DAB1: variants seen among roughly 807,000 people sequenced by gnomAD.
DAB1 encodes the protein disabled homolog 1.
A neutral mutation model predicts 64.6 loss-of-function variants in DAB1; 15 were observed. That is an observed-to-expected ratio of 0.23 (90% CI 0.16 to 0.36). The LOEUF (loss-of-function observed/expected upper bound fraction) is 0.36, where lower values mean the gene tolerates loss of function less well. DAB1 is among the 10% of genes least tolerant of loss of function. The probability of loss-of-function intolerance (pLI) is 1.00; values close to 1 mark genes in which losing one functional copy is unlikely to be tolerated. For missense variants in DAB1, 596 were observed against 706.7 expected, an observed-to-expected ratio of 0.84 and a Z score of 1.78; for synonymous variants, 235 against 251.9, an observed-to-expected ratio of 0.93 and a Z score of 0.64.
chr1:57,033,485 A>C (rs1294276841), intron 9 of DAB1: 7 of 1,612,642 alleles, frequency 4.3e-6, no homozygotes, highest in Non-Finnish European at 5.1e-6. Context: ...TGAGAAAATG[A>C]CATGAAACAG....
intron 7 of DAB1, among the ~76,000 whole-genome samples, chr1:57,545,739 C>G (rs1418232139): frequency 6.6e-6 from 1 of 152,162 alleles, no homozygotes; most frequent in Non-Finnish European, 1.5e-5. Context: ...TTAATACCTT[C>G]GTTTTACTAA....
At position 57,698,378 on chromosome 1, in the gene DAB1, G is replaced by A. The variant is rs146115546; in HGVS notation, n.552-48713C>T. Among the ~76,000 whole-genome samples the A allele has an allele frequency of 8.3e-3, 1,268 of 152,014 alleles. 20 individuals carry two copies. The highest frequency in any genetic ancestry group is 0.028 in the African/African-American group (1,150 of 41,434). Reference sequence around the variant, plus strand: ...CTCCCAAAGCACTAGGATTACAGGCGTGAGCCACAGTGCCTGTCCTTCTCT... The same window carrying A: ...CTCCCAAAGCACTAGGATTACAGGCATGAGCCACAGTGCCTGTCCTTCTCT... On this transcript the variant is annotated intron_variant and non_coding_transcript_variant, in intron 6 of 20. Transcript: ENST00000485760.
intron 1 of DAB1, among the ~76,000 whole-genome samples, chr1:58,529,674 A>C (rs61781816): frequency 6.6e-6 from 1 of 152,282 alleles, no homozygotes; most frequent in Non-Finnish European, 1.5e-5. Context: ...TTGGCTCTCT[A>C]TATCTGTGGA....
intron 1 of DAB1, among the ~76,000 whole-genome samples, chr1:57,420,068 T>C (rs751284282): frequency 6.6e-6 from 1 of 152,234 alleles, no homozygotes; most frequent in Non-Finnish European, 1.5e-5. Flanking sequence ...CAATGCCTGA[T>C]AGAAACTGCC....
chr1:57,086,713 A>AG (rs1345425992), intron 4 of DAB1, among the ~76,000 whole-genome samples: 1 of 138,136 alleles, frequency 7.2e-6, no homozygotes, highest in Non-Finnish European at 1.6e-5. Context: ...TGGCGGGGGG[A>AG]GGGGGTCAGG....
At chr1:57,596,246 T>A (rs1234472529) in intron 7 of DAB1, among the ~76,000 whole-genome samples, 1 of 151,980 alleles carries the variant, frequency 6.6e-6, no homozygotes, top group Non-Finnish European at 1.5e-5. Context: ...TGTTAGGAGG[T>A]TTGGCATTGA....
At chr1:57,687,986 T>C (rs1646721239) in intron 6 of DAB1, among the ~76,000 whole-genome samples, 1 of 152,134 alleles carries the variant, frequency 6.6e-6, no homozygotes, top group African/African-American at 2.4e-5. Flanking sequence ...GAAATATCCT[T>C]CTCAACATTG....
At chr1:57,730,805 C>T (rs550346458) in intron 6 of DAB1, among the ~76,000 whole-genome samples, 8 of 152,156 alleles carry the variant, frequency 5.3e-5, no homozygotes, top group East Asian at 1.9e-4. Flanking sequence ...ATGGCTATTA[C>T]GAAGAAACCC....
intron 4 of DAB1, among the ~76,000 whole-genome samples, chr1:58,247,811 G>A (rs1025236164): frequency 2.2e-4 from 1 of 4,650 alleles, no homozygotes; most frequent in Non-Finnish European, 4.0e-4. Context: ...ACCTCCCACC[G>A]AGTTCTCTGT....
chr1:57,553,636 A>T (rs370325630), intron 7 of DAB1, among the ~76,000 whole-genome samples: 1 of 151,922 alleles, frequency 6.6e-6, no homozygotes, highest in Non-Finnish European at 1.5e-5. Flanking sequence ...ACACCACTGC[A>T]CTCTAGCCTG....
At chr1:57,870,820 T>C (rs1056881819) in intron 1 of DAB1, among the ~76,000 whole-genome samples, 24 of 152,120 alleles carry the variant, frequency 1.6e-4, no homozygotes, top group Non-Finnish European at 3.5e-4. Flanking sequence ...GTATCCCAAT[T>C]TGACAATTTG....
Position 57,173,227 on chromosome 1 carries a change from CAG to C in DAB1, c.68-27800_68-27799del, listed in dbSNP as rs1661965089. On this transcript the variant is annotated intron_variant, in intron 2 of 14. Transcript: ENST00000371236. The stretch of plus-strand genomic sequence containing the variant: ...TTCCAGTTCAAGAGATTCTAAATGC[CAG>C]AGAAAGAAGCAGATGAGGGAGAAAA... 2.0e-5 allele frequency among the ~76,000 whole-genome samples: 3 copies of C among 152,086 alleles called. No homozygotes were observed. The South Asian group carries it at 6.2e-4, about 32-fold the overall frequency.
At chr1:57,917,517 A>G (rs997338695) in intron 5 of DAB1, among the ~76,000 whole-genome samples, 8 of 152,224 alleles carry the variant, frequency 5.3e-5, no homozygotes, top group Non-Finnish European at 1.2e-4. Flanking sequence ...GAACTCGAAC[A>G]GTATGTTGTA....
At chr1:57,895,165 A>C (rs1273887345) in intron 5 of DAB1, among the ~76,000 whole-genome samples, 1 of 152,134 alleles carries the variant, frequency 6.6e-6, no homozygotes, top group Non-Finnish European at 1.5e-5. Flanking sequence ...ATTCAAGTCT[A>C]ATGGGTAACT....
intron 7 of DAB1, among the ~76,000 whole-genome samples, chr1:57,637,795 G>C (rs571220301): frequency 6.6e-6 from 1 of 152,148 alleles, no homozygotes; most frequent in African/African-American, 2.4e-5. Flanking sequence ...AACAACAAAG[G>C]GTAGAATATC....
intron 4 of DAB1, among the ~76,000 whole-genome samples, chr1:58,235,321 G>A (rs1398984435): frequency 1.3e-5 from 2 of 152,228 alleles, no homozygotes; most frequent in African/African-American, 2.4e-5. Flanking sequence ...TTGGTAAGAG[G>A]TGGAACTAGG....
At chr1:58,289,814 T>C (rs898504757) in intron 4 of DAB1, among the ~76,000 whole-genome samples, 12 of 152,184 alleles carry the variant, frequency 7.9e-5, no homozygotes, top group Non-Finnish European at 1.6e-4. Context: ...GAATCTATGC[T>C]AAAAGCAATG....
At chr1:57,534,666 C>T (rs139726668) in intron 7 of DAB1, among the ~76,000 whole-genome samples, 7 of 152,274 alleles carry the variant, frequency 4.6e-5, no homozygotes, top group Middle Eastern at 6.8e-3. Flanking sequence ...TCGTGTTCCT[C>T]GTTTAGAGTC....
At chr1:57,073,699 G>T (rs925139991) in intron 4 of DAB1, among the ~76,000 whole-genome samples, 4 of 152,198 alleles carry the variant, frequency 2.6e-5, no homozygotes, top group Admixed American at 6.5e-5. Context: ...TAAATGGGAG[G>T]TATGTACCAG....
Sources: allele counts gnomAD v4.1 joint callset (sites outside exome capture counted in the v4.1 genomes callset), GRCh38; gene constraint gnomAD v4.1.1; transcripts MANE v1.5; gene names NCBI Gene and HGNC (gene_info 2026-07-23, HGNC 2026-07-21).